PRKAR2B: variants seen among roughly 807,000 people sequenced by gnomAD.
The protein encoded by PRKAR2B is cAMP-dependent protein kinase type II-beta regulatory subunit.
Under a neutral mutation model 49.9 loss-of-function variants are expected in PRKAR2B, and 14 were observed. The observed-to-expected ratio is 0.28, with a 90% confidence interval of 0.19 to 0.44. The LOEUF is 0.44. PRKAR2B is among the 20% of genes least tolerant of loss of function. The pLI is 1.00. For missense variants in PRKAR2B, 393 were observed against 537.9 expected, an observed-to-expected ratio of 0.73 and a Z score of 2.67; for synonymous variants, 196 against 197.7, an observed-to-expected ratio of 0.99 and a Z score of 0.07.
intron 2 of PRKAR2B, among the ~76,000 whole-genome samples, chr7:107,104,755 T>C (rs1455541327): frequency 6.6e-6 from 1 of 152,166 alleles, no homozygotes; most frequent in Non-Finnish European, 1.5e-5. Flanking sequence ...AAAGCAAAAG[T>C]ATACTGGAAA....
At position 107,098,956 on chromosome 7, in the gene PRKAR2B, C is replaced by T. The variant is rs564234479; in HGVS notation, c.344-22996C>T. ...GGAGGTGTCTCCCAGTTAGGCTACTCGGGGTTCAGGGACCCACTTGAGGAG... is the reference window on the plus strand; with the variant it reads ...GGAGGTGTCTCCCAGTTAGGCTACTTGGGGTTCAGGGACCCACTTGAGGAG... On this transcript the variant is annotated intron_variant, in intron 2 of 10. Transcript: ENST00000265717. Among the ~76,000 whole-genome samples, 601 of 152,292 alleles carry T rather than the reference C, an allele frequency of 3.9e-3. 2 individuals are homozygous for T. The highest frequency in any genetic ancestry group is 0.02 in the Middle Eastern group (6 of 294).
intron 2 of PRKAR2B, among the ~76,000 whole-genome samples, chr7:107,101,875 C>CTTTTTTTTTTTTTTTTTT (rs10589473): frequency 3.4e-4 from 32 of 94,238 alleles, no homozygotes; most frequent in African/African-American, 4.7e-4. Context: ...AGCCCTGATC[C>CTTTTTTTTTTTTTTTTTT]TTTTTTTTTT....
chr7:107,093,952 A>C (rs1794786307), intron 2 of PRKAR2B, among the ~76,000 whole-genome samples: 1 of 152,180 alleles, frequency 6.6e-6, no homozygotes, highest in South Asian at 2.1e-4. Flanking sequence ...TGCTATTGTG[A>C]ATAGTGCCGC....
rs546159314 is a variant in PRKAR2B at position 107,127,204 on chromosome 7, T to A, written c.397-1008T>A. On this transcript the variant is annotated intron_variant, in intron 3 of 10. Transcript: ENST00000265717. ...TCTGTGAGCTCTGATGCTCTGATGGTAGGGCAGGCTGCCTGAAGAGGCAAG... is the reference window on the plus strand; with the variant it reads ...TCTGTGAGCTCTGATGCTCTGATGGAAGGGCAGGCTGCCTGAAGAGGCAAG... 5.8e-4 allele frequency among the ~76,000 whole-genome samples: 89 copies of A among 152,342 alleles called. 2 individuals are homozygous for A. In the South Asian group the frequency reaches 0.013, roughly 23 times the overall value.
chr7:107,134,002 T>A (rs143142892), intron 4 of PRKAR2B, among the ~76,000 whole-genome samples: 13 of 152,198 alleles, frequency 8.5e-5, no homozygotes, highest in African/African-American at 2.9e-4. Context: ...GGCAGCAGAA[T>A]AGACATACTG....
At chr7:107,138,752 T>C (rs572347173) in intron 4 of PRKAR2B, among the ~76,000 whole-genome samples, 50 of 152,240 alleles carry the variant, frequency 3.3e-4, no homozygotes, top group African/African-American at 1.1e-3. Context: ...GGTGCGATCA[T>C]GGCTCACTGA....
At chr7:107,077,314 C>T (rs1227535862) in intron 2 of PRKAR2B, 1 of 152,164 alleles carries the variant, frequency 6.6e-6, no homozygotes, top group Non-Finnish European at 1.5e-5. Context: ...TAATAAGATA[C>T]AGTTCTTACG....
In PRKAR2B at chr7:107,157,005, T is replaced by C; in HGVS notation, c.940T>C (p.Phe314Leu). 6.2e-7 allele frequency: 1 copy of C among 1,612,314 alleles called. No homozygotes were observed. Residue 314 changes from phenylalanine to leucine, a missense_variant, in exon 9 of 11, where the codon TTC (phenylalanine) becomes CTC (leucine). Around this residue, in one of 2 missense-constraint regions of PRKAR2B, gnomAD observed 233 missense variants for 390.4 expected, o/e 0.60. Coordinates refer to ENST00000265717, the MANE Select transcript of PRKAR2B (RefSeq NM_002736.3). Reference protein sequence around the residue: ...IAQGDSADSFFIVESGEVKIT... With the variant: ...IAQGDSADSFLIVESGEVKIT... ...ATAGGGAGATTCGGCTGATTCTTTT[T>C]TCATTGTAGAATCTGGAGAAGTGAA...
chr7:107,159,363 T>C (rs2115687829), intron 10 of PRKAR2B, 86 bp from the exon 11 acceptor site: 4 of 1,265,816 alleles, frequency 3.2e-6, no homozygotes, highest in African/African-American at 1.5e-5. Flanking sequence ...ACTATTGATA[T>C]ATATGGAGTC....
At chr7:107,110,055 A>G (rs1242449066) in intron 2 of PRKAR2B, among the ~76,000 whole-genome samples, 1 of 152,172 alleles carries the variant, frequency 6.6e-6, no homozygotes, top group Non-Finnish European at 1.5e-5. Flanking sequence ...CCCCTCCACC[A>G]TCCTCCAGCA....
At chr7:107,052,622 A>G (rs931726576) in intron 1 of PRKAR2B, among the ~76,000 whole-genome samples, 22 of 152,172 alleles carry the variant, frequency 1.4e-4, no homozygotes, top group African/African-American at 4.8e-4. Context: ...TTCCTCTTCA[A>G]CCACGGTTTA....
intron 1 of PRKAR2B, among the ~76,000 whole-genome samples, chr7:107,048,975 C>A (rs771194722): frequency 2.0e-5 from 3 of 152,200 alleles, no homozygotes; most frequent in Admixed American, 1.3e-4. Flanking sequence ...TCCCTCTTCC[C>A]CGTCCTAGAG....
intron 3 of PRKAR2B, among the ~76,000 whole-genome samples, chr7:107,124,936 A>T (rs890151797): frequency 6.6e-6 from 1 of 152,116 alleles, no homozygotes; most frequent in African/African-American, 2.4e-5. Context: ...GCAACTACTC[A>T]GTTCTGCTAT....
At chr7:107,095,998 G>A (rs774909502) in intron 2 of PRKAR2B, among the ~76,000 whole-genome samples, 30 of 152,088 alleles carry the variant, frequency 2.0e-4, no homozygotes, top group Non-Finnish European at 4.0e-4. Flanking sequence ...GCTTTGGTAT[G>A]AGGATGATGC....
At chr7:107,130,035 G>C (rs1027425191) in intron 4 of PRKAR2B, among the ~76,000 whole-genome samples, 27 of 151,108 alleles carry the variant, frequency 1.8e-4, no homozygotes, top group African/African-American at 6.7e-4. Context: ...AGCCCAGTAG[G>C]TTTCAGCCTT....
At chr7:107,116,878 T>C (rs545882492) in intron 2 of PRKAR2B, among the ~76,000 whole-genome samples, 75 of 148,052 alleles carry the variant, frequency 5.1e-4, no homozygotes, top group East Asian at 3.7e-3. Flanking sequence ...TATATATATA[T>C]ACACACATAT....
chr7:107,072,688 A>G (rs1794303705), intron 2 of PRKAR2B, among the ~76,000 whole-genome samples: 1 of 152,218 alleles, frequency 6.6e-6, no homozygotes, highest in South Asian at 2.1e-4. Flanking sequence ...CATGAAGTTT[A>G]GTAATAGAGA....
At position 107,161,046 on chromosome 7, in the gene PRKAR2B, TACTAGAGAA is replaced by T. The variant is rs1796189257; in HGVS notation, c.*1465_*1473del. The stretch of plus-strand genomic sequence containing the variant: ...AAATTACTCTGTGCTAGTGTAGTCT[TACTAGAGAA>T]TGTTTATGGTCCCACTTGTATATGA... On this transcript the variant is annotated 3_prime_UTR_variant, in exon 11 of 11. Transcript: ENST00000265717. 1.3e-5 allele frequency: 2 copies of T among 152,328 alleles called. No individual in the cohort carries two copies. The highest frequency in any genetic ancestry group is 4.1e-4 in the South Asian group (2 of 4,832). The allele number at this position is 152,328 out of a possible 1,614,324, so 9.4% of individuals were successfully genotyped here.
intron 3 of PRKAR2B, among the ~76,000 whole-genome samples, chr7:107,126,201 G>A (rs539786705): frequency 1.3e-5 from 2 of 148,232 alleles, no homozygotes; most frequent in African/African-American, 5.0e-5. Context: ...AGACCATCCT[G>A]GCTAACATGG....
Sources: gnomAD v4.1 joint callset for allele counts (sites outside exome capture counted in the v4.1 genomes callset) on GRCh38, gnomAD v4.1.1 for gene constraint, gnomAD v4.1.1 regional missense constraint, MANE v1.5 for transcripts, NCBI Gene and HGNC (gene_info 2026-07-23, HGNC 2026-07-21) for gene names.